The following LRRC39 variants were observed in gnomAD, a reference collection of about 807,000 sequenced individuals.
LRRC39 encodes the protein leucine-rich repeat-containing protein 39.
In LRRC39, 35 loss-of-function variants were observed where a neutral mutation model predicts 39.7. The observed-to-expected ratio is 0.88, with a 90% confidence interval of 0.67 to 1.17. LRRC39 has a LOEUF of 1.17. Ranked by LOEUF, LRRC39 falls within the 50% of genes most tolerant of loss-of-function variation. The probability of loss-of-function intolerance (pLI) is 0.00; values close to 1 mark genes in which losing one functional copy is unlikely to be tolerated. For missense variants in LRRC39, 357 were observed against 385.8 expected (o/e 0.93, Z 0.62); for synonymous variants, 113 against 134.1 (o/e 0.84, Z 1.09).
In LRRC39 at chr1:100,163,900, CTG is replaced by C. The variant is rs1163834934; in HGVS notation, c.114-3331_114-3330del. Among the ~76,000 whole-genome samples, 38 of 152,236 alleles carry C rather than the reference CTG, an allele frequency of 2.5e-4. 1 individual carries two copies. The East Asian group carries it at 6.6e-3, about 26-fold the overall frequency. ...CCAGCCTGGCCAACATGATAAAACC[CTG>C]TCTCCACTAAAAATACAAAAATTAG... On this transcript the variant is annotated intron_variant, in intron 3 of 9. Coordinates refer to ENST00000370137, the MANE Select transcript of LRRC39 (RefSeq NM_144620.4).
At position 100,155,052 on chromosome 1, in the gene LRRC39, T is replaced by G; in HGVS notation, c.811A>C (p.Arg271=). The G allele has an allele frequency of 6.4e-7, 1 of 1,567,160 alleles. No individual in the cohort carries two copies. ...AGTTTTGTGCCTACAACTTTTTACC[T>G]CAGATTTGCCATTTCTTCCATGCAT... ...PVCMEEMANL[R]FVNFRDNPLK... The change falls in exon 8 of 10, where the codon AGG becomes CGG. Residue 271 remains arginine, a splice_region_variant and synonymous_variant. Transcript: ENST00000370137.
intron 2 of LRRC39, among the ~76,000 whole-genome samples, chr1:100,173,123 C>G (rs1373386196): frequency 6.6e-6 from 1 of 150,382 alleles, no homozygotes; most frequent in Non-Finnish European, 1.5e-5. Flanking sequence ...ACCTGTAATC[C>G]CAGCTACTTG....
At chr1:100,173,579 C>T (rs896853551) in intron 1 of LRRC39, among the ~76,000 whole-genome samples, 3 of 152,178 alleles carry the variant, frequency 2.0e-5, no homozygotes, top group Admixed American at 1.3e-4. Context: ...GATGTCTGCT[C>T]TCACTACTTC....
intron 2 of LRRC39, among the ~76,000 whole-genome samples, chr1:100,171,340 G>A (rs1443969789): frequency 6.6e-6 from 1 of 151,980 alleles, no homozygotes; most frequent in African/African-American, 2.4e-5. Context: ...ATCTCATATT[G>A]GGGTCATAGA....
intron 8 of LRRC39, among the ~76,000 whole-genome samples, chr1:100,153,505 T>C (rs993065325): frequency 6.6e-6 from 1 of 152,014 alleles, no homozygotes; most frequent in Non-Finnish European, 1.5e-5. Flanking sequence ...CAACAGTTAA[T>C]AGACAACCTA....
chr1:100,164,045 C>T (rs1235029559), intron 3 of LRRC39, among the ~76,000 whole-genome samples: 1 of 152,024 alleles, frequency 6.6e-6, no homozygotes, highest in African/African-American at 2.4e-5. Flanking sequence ...TACACTCCAG[C>T]CTGGGTGACA....
In LRRC39 at chr1:100,155,040, C is replaced by A. The variant is rs1358169186; in HGVS notation, c.812+11G>T. The A allele has an allele frequency of 1.3e-6, 2 of 1,550,762 alleles. No homozygotes were observed. The highest frequency in any genetic ancestry group is 1.7e-6 in the Non-Finnish European group (2 of 1,152,850). On this transcript the variant is annotated intron_variant, in intron 8 of 9. Transcript: ENST00000370137. ...GCAAGGTTTTTCAGTTTTGTGCCTA[C>A]AACTTTTTACCTCAGATTTGCCATT... is the stretch of plus-strand genomic sequence containing the variant.
intron 1 of LRRC39, among the ~76,000 whole-genome samples, chr1:100,176,253 C>T (rs111581500): frequency 1.3e-5 from 2 of 152,236 alleles, no homozygotes; most frequent in African/African-American, 4.8e-5. Context: ...ATGGTGAAAC[C>T]CCGTCTCTAC....
At chr1:100,167,556 C>T (rs979660135) in intron 3 of LRRC39, among the ~76,000 whole-genome samples, 1 of 152,070 alleles carries the variant, frequency 6.6e-6, no homozygotes, top group African/African-American at 2.4e-5. Context: ...GGGTGGATCA[C>T]CTGAGGTCAG....
At chr1:100,175,514 A>G (rs900665159) in intron 1 of LRRC39, among the ~76,000 whole-genome samples, 3 of 152,122 alleles carry the variant, frequency 2.0e-5, no homozygotes, top group Non-Finnish European at 4.4e-5. Flanking sequence ...CAATGCAAGA[A>G]CAGCCTAACA....
intron 4 of LRRC39, among the ~76,000 whole-genome samples, chr1:100,159,992 C>A (rs1305751107): frequency 3.3e-5 from 5 of 152,052 alleles, no homozygotes; most frequent in Non-Finnish European, 5.9e-5. Flanking sequence ...CAAACACTGA[C>A]CCAAGGGTTA....
chr1:100,176,081 T>A (rs1201927916), intron 1 of LRRC39, among the ~76,000 whole-genome samples: 1 of 152,228 alleles, frequency 6.6e-6, no homozygotes, highest in African/African-American at 2.4e-5. Context: ...TGAACAAGAC[T>A]GTTCCCAGCA....
chr1:100,152,287 A>G, intron 9 of LRRC39, 98 bp downstream of exon 9: 1 of 1,208,766 alleles, frequency 8.3e-7, no homozygotes, highest in Admixed American at 2.5e-5. Flanking sequence ...AGATGGAATG[A>G]GAAATATATA....
At chr1:100,178,674 T>A (rs1345538303), upstream of LRRC39, among the ~76,000 whole-genome samples, 2 of 152,220 alleles carry the variant, frequency 1.3e-5, no homozygotes, top group Non-Finnish European at 2.9e-5. Flanking sequence ...TACCTGGGCT[T>A]CAAATTAAAT....
intron 3 of LRRC39, among the ~76,000 whole-genome samples, chr1:100,166,866 A>G (rs1478663291): frequency 6.6e-6 from 1 of 152,140 alleles, no homozygotes; most frequent in Non-Finnish European, 1.5e-5. Flanking sequence ...TCTCTTTGCC[A>G]GCTGCCATGT....
Position 100,148,543 on chromosome 1 carries a change from CTCAAT to C in LRRC39, c.*494_*498del. On this transcript the variant is annotated 3_prime_UTR_variant, in exon 10 of 10. Coordinates refer to ENST00000370137, the MANE Select transcript of LRRC39 (RefSeq NM_144620.4). ...TACATTATGGGTTAGTTAACAGTCT[CTCAAT>C]AAATAGTGACAAAAATAATTTTTTA... 5 of 1,323,296 alleles carry C rather than the reference CTCAAT, an allele frequency of 3.8e-6. No homozygotes were observed. Among genetic ancestry groups the C allele is most frequent in the Non-Finnish European group, 5.3e-6 (5 of 949,206 alleles). The allele number at this position is 1,323,296 out of a possible 1,614,324, so 82.0% of individuals were successfully genotyped here.
chr1:100,160,565 C>T lies in LRRC39; in HGVS notation c.120G>A (p.Val40=). 2 of 1,610,470 alleles carry T rather than the reference C, an allele frequency of 1.2e-6. No individual in the cohort carries two copies. Among genetic ancestry groups the T allele is most frequent in the South Asian group, 1.1e-5 (1 of 90,524 alleles). The part of the protein sequence containing the change: ...KREKEFQHKL[V]RIWEERVSLT... ...AGCTTACTCGTTCTTCCCAGATCCG[C>T]ACTAGCCTAGGAAACCAGGAAATCA... The change falls in exon 4 of 10, where the codon GTG becomes GTA. Residue 40 remains valine (V), a synonymous_variant. Coordinates refer to ENST00000370137, the MANE Select transcript of LRRC39 (RefSeq NM_144620.4).
intron 7 of LRRC39, among the ~76,000 whole-genome samples, chr1:100,155,873 A>G (rs1474129503): frequency 6.6e-6 from 1 of 152,192 alleles, no homozygotes; most frequent in East Asian, 1.9e-4. Context: ...ATTGTGGCAT[A>G]TTCTTGTTAA....
chr1:100,156,858 G>A (rs1283704751), intron 6 of LRRC39, among the ~76,000 whole-genome samples: 2 of 152,052 alleles, frequency 1.3e-5, no homozygotes, highest in Non-Finnish European at 2.9e-5. Flanking sequence ...GGTGGCACAC[G>A]ACTGTAGTCC....
Sources: allele counts gnomAD v4.1 joint callset (sites outside exome capture counted in the v4.1 genomes callset), GRCh38; gene constraint gnomAD v4.1.1; transcripts MANE v1.5; gene names NCBI Gene and HGNC (gene_info 2026-07-23, HGNC 2026-07-21).